OR5AS1: variants seen among roughly 807,000 people sequenced by gnomAD.
OR5AS1 encodes olfactory receptor 5AS1.
For synonymous variants in OR5AS1, 196 were observed against 141.7 expected (o/e 1.38, Z -2.72); for missense variants, 492 against 378.2 (o/e 1.30, Z -2.50).
In OR5AS1 at chr11:56,037,483, C is replaced by A. The variant is rs866764445; in HGVS notation, c.*6090C>A. 1.3e-5 allele frequency: 2 copies of A among 151,602 alleles called. No homozygotes were observed. The highest frequency in any genetic ancestry group is 4.8e-5 in the African/African-American group (2 of 41,252). 9.4% of individuals were successfully genotyped at this position (151,602 alleles called of 1,614,324 possible). A position where few individuals can be genotyped will look rare whatever the true frequency, so the allele number is the denominator to read the frequency against. Reference sequence around the variant, plus strand: ...ATACACCAATAACAGACAAACAGAGCCAAATCGAATGAACTGCCATTCACA... The same window carrying A: ...ATACACCAATAACAGACAAACAGAGACAAATCGAATGAACTGCCATTCACA... On this transcript the variant is annotated 3_prime_UTR_variant, in exon 2 of 2. Coordinates refer to ENST00000641320, the MANE Select transcript of OR5AS1 (RefSeq NM_001001921.2).
chr11:56,030,248 T>C, intron 1 of OR5AS1, 143 bp from the exon 2 acceptor site: 1 of 408,170 alleles, frequency 2.4e-6, no homozygotes, highest in Middle Eastern at 5.7e-4. Flanking sequence ...TTTAATCAAA[T>C]GACAAAATCA....
rs7484132 is a variant in OR5AS1, at chr11:56,036,155, T to C, written c.*4762T>C. The C allele has an allele frequency of 0.06, 9,157 of 151,992 alleles. 381 individuals are homozygous for C. The highest frequency in any genetic ancestry group is 0.084 in the Non-Finnish European group (5,726 of 67,962). The allele number at this position is 151,992 out of a possible 1,614,324, so 9.4% of individuals were successfully genotyped here. On this transcript the variant is annotated 3_prime_UTR_variant, in exon 2 of 2. Transcript: ENST00000641320. ...GCAGTGTTTAGAGGAAAATTCACAG[T>C]ACTAAAGGCCCACAAGAGAAAGCAG...
Position 56,031,553 on chromosome 11 carries a change from C to T in OR5AS1, c.*160C>T, listed in dbSNP as rs980844634. 1.9e-6 allele frequency: 1 copy of T among 531,882 alleles called. No homozygotes were observed. Among genetic ancestry groups the T allele is most frequent in the Non-Finnish European group, 3.3e-6 (1 of 303,240 alleles). 32.9% of individuals were successfully genotyped at this position (531,882 alleles called of 1,614,324 possible). ...CAAAAATGTTCTCTCCACAATTCTA[C>T]TCTATAAAACATTACCTAATTAAAC... is the stretch of plus-strand genomic sequence containing the variant. On this transcript the variant is annotated 3_prime_UTR_variant, in exon 2 of 2. Transcript: ENST00000641320.
rs1853409869 is a variant in OR5AS1, at chr11:56,036,771, G to A, written c.*5378G>A. ...GAGGCTCCTCCCTAACTCATTTTAT[G>A]CGGCCAGCATCATCCTGATATGAAA... is the stretch of plus-strand genomic sequence containing the variant. On this transcript the variant is annotated 3_prime_UTR_variant, in exon 2 of 2. Transcript: ENST00000641320. The A allele has an allele frequency of 1.3e-5, 2 of 152,050 alleles. No individual in the cohort carries two copies. The highest frequency in any genetic ancestry group is 1.3e-4 in the Admixed American group (2 of 15,274). 9.4% of individuals were successfully genotyped at this position (152,050 alleles called of 1,614,324 possible). A position where few individuals can be genotyped will look rare whatever the true frequency, so the allele number is the denominator to read the frequency against.
rs1348510301 is a variant in OR5AS1 at position 56,036,785 on chromosome 11, C to A, written c.*5392C>A. 2.0e-5 allele frequency: 3 copies of A among 152,104 alleles called. No individual in the cohort carries two copies. The highest frequency in any genetic ancestry group is 4.1e-4 in the South Asian group (2 of 4,832). 9.4% of individuals were successfully genotyped at this position (152,104 alleles called of 1,614,324 possible). ...ACTCATTTTATGCGGCCAGCATCAT[C>A]CTGATATGAAAACCTGGCAGAGACA... On this transcript the variant is annotated 3_prime_UTR_variant, in exon 2 of 2. Coordinates refer to ENST00000641320, the MANE Select transcript of OR5AS1 (RefSeq NM_001001921.2).
Position 56,031,234 on chromosome 11 carries a change from G to T in OR5AS1, c.816G>T (p.Lys272Asn), listed in dbSNP as rs144321745. 1 of 1,613,590 alleles carries T rather than the reference G, an allele frequency of 6.2e-7. No homozygotes were observed. Among genetic ancestry groups the T allele is most frequent in the Non-Finnish European group, 8.5e-7 (1 of 1,179,630 alleles). ...PTTSYSLDTDKVVAVFYTVVF... is the reference protein window; with the variant it reads ...PTTSYSLDTDNVVAVFYTVVF... ...CTAGCTATTCCCTAGACACTGATAA[G>T]GTGGTGGCAGTGTTTTATACTGTTG... The change falls in exon 2 of 2, where the codon AAG becomes AAT. Residue 272 changes from lysine (K) to asparagine (N), a missense_variant. Physicochemically the swap from Lys to Asn is moderately conservative, Grantham distance 94. Coordinates refer to ENST00000641320, the MANE Select transcript of OR5AS1 (RefSeq NM_001001921.2).
intron 1 of OR5AS1, among the ~76,000 whole-genome samples, chr11:56,030,065 T>A (rs931985215): frequency 1.1e-4 from 16 of 152,128 alleles, no homozygotes; most frequent in African/African-American, 3.6e-4. Flanking sequence ...TTTTGCCAAC[T>A]CTCATTATTC....
Position 56,033,451 on chromosome 11 carries a change from C to G in OR5AS1, c.*2058C>G, listed in dbSNP as rs548676236. On this transcript the variant is annotated 3_prime_UTR_variant, in exon 2 of 2. Transcript: ENST00000641320. Reference sequence around the variant, plus strand: ...CGAGCTTGGTTGGAGGAGGAGAGTCCGCCATTGCTGAGGCTTCAGTAGGCA... The same window carrying G: ...CGAGCTTGGTTGGAGGAGGAGAGTCGGCCATTGCTGAGGCTTCAGTAGGCA... 6.6e-6 allele frequency: 1 copy of G among 152,262 alleles called. No homozygotes were observed. Among genetic ancestry groups the G allele is most frequent in the Non-Finnish European group, 1.5e-5 (1 of 68,180 alleles). 9.4% of individuals were successfully genotyped at this position (152,262 alleles called of 1,614,324 possible).
rs1565026507 is a variant in OR5AS1, at chr11:56,031,163, A to T, written c.745A>T (p.Thr249Ser). ...STCASHLIAV[T>S]LFYGALLFMY... ...TTGTGCTTCCCACCTCATAGCAGTC[A>T]CCTTATTCTATGGAGCGCTCCTGTT... Residue 249 changes from threonine (T) to serine (S), a missense_variant, in exon 2 of 2, where the codon ACC becomes TCC. Transcript: ENST00000641320. 3.7e-6 allele frequency: 6 copies of T among 1,613,876 alleles called. No individual in the cohort carries two copies. Among genetic ancestry groups the T allele is most frequent in the African/African-American group, 1.3e-5 (1 of 74,824 alleles).
Position 56,031,091 on chromosome 11 carries a change from G to A in OR5AS1, c.673G>A (p.Val225Met), listed in dbSNP as rs1853345475. The A allele has an allele frequency of 6.2e-7, 1 of 1,613,916 alleles. No homozygotes were observed. Among genetic ancestry groups the A allele is most frequent in the Non-Finnish European group, 8.5e-7 (1 of 1,179,964 alleles). ...TTCTTACTTCTGCATCCTCATCACT[G>A]TGTTGAGCATCAAGTCCTCAGGTGG... ...FISYFCILITVLSIKSSGGRS... is the reference protein window; with the variant it reads ...FISYFCILITMLSIKSSGGRS... The change falls in exon 2 of 2, where the codon GTG (valine) becomes ATG (methionine). Residue 225 changes from valine to methionine, a missense_variant. Physicochemically the swap from Val to Met is conservative, Grantham distance 21 (BLOSUM62 1). Transcript: ENST00000641320.
In OR5AS1 at chr11:56,031,843, C is replaced by T. The variant is rs1212322052; in HGVS notation, c.*450C>T. Reference sequence around the variant, plus strand: ...TTGGAACACTAAGCATCCTACTGCTCAAGGTCATCGCCAAGGTCTGATTTC... The same window carrying T: ...TTGGAACACTAAGCATCCTACTGCTTAAGGTCATCGCCAAGGTCTGATTTC... On this transcript the variant is annotated 3_prime_UTR_variant, in exon 2 of 2. Transcript: ENST00000641320. 1 of 153,340 alleles carries T rather than the reference C, an allele frequency of 6.5e-6. No individual in the cohort carries two copies. Among genetic ancestry groups the T allele is most frequent in the East Asian group, 1.9e-4 (1 of 5,206 alleles). The allele number at this position is 153,340 out of a possible 1,614,324, so 9.5% of individuals were successfully genotyped here.
At chr11:56,028,206 A>G (rs1284484746) in intron 1 of OR5AS1, among the ~76,000 whole-genome samples, 2 of 151,920 alleles carry the variant, frequency 1.3e-5, no homozygotes, top group African/African-American at 2.4e-5. Context: ...ATAATATATA[A>G]TAACATACAT....
intron 1 of OR5AS1, among the ~76,000 whole-genome samples, chr11:56,029,193 T>C (rs920054890): frequency 5.3e-5 from 8 of 152,194 alleles, no homozygotes; most frequent in Non-Finnish European, 4.4e-5. Context: ...TTTCCCTTAG[T>C]TACTCACTAC....
In OR5AS1 at chr11:56,034,487, C is replaced by T. The variant is rs1280855154; in HGVS notation, c.*3094C>T. 6.6e-6 allele frequency: 1 copy of T among 151,688 alleles called. No homozygotes were observed. The highest frequency in any genetic ancestry group is 6.6e-5 in the Admixed American group (1 of 15,220). 9.4% of individuals were successfully genotyped at this position (151,688 alleles called of 1,614,324 possible). A position where few individuals can be genotyped will look rare whatever the true frequency, so the allele number is the denominator to read the frequency against. Reference sequence around the variant, plus strand: ...CATACACAAGCATCAATAGCCAAATCGATCAAACAGAAGGAAGGATATCAG... The same window carrying T: ...CATACACAAGCATCAATAGCCAAATTGATCAAACAGAAGGAAGGATATCAG... On this transcript the variant is annotated 3_prime_UTR_variant, in exon 2 of 2. Transcript: ENST00000641320.
intron 1 of OR5AS1, among the ~76,000 whole-genome samples, chr11:56,028,788 A>G (rs1853319812): frequency 6.6e-6 from 1 of 151,954 alleles, no homozygotes; most frequent in South Asian, 2.1e-4. Context: ...TAATATATAA[A>G]CTCATTAAAA....
chr11:56,036,341 G>T lies in OR5AS1; in HGVS notation c.*4948G>T, dbSNP rs1853405307. On this transcript the variant is annotated 3_prime_UTR_variant, in exon 2 of 2. Transcript: ENST00000641320. ...CCCTTCAAAAAATCAATGAATCCAG[G>T]AGTTGGTTTTTGGAAAAGATCAACA... The T allele has an allele frequency of 6.6e-6, 1 of 152,044 alleles. No individual in the cohort carries two copies. Among genetic ancestry groups the T allele is most frequent in the South Asian group, 2.1e-4 (1 of 4,828 alleles). 9.4% of individuals were successfully genotyped at this position (152,044 alleles called of 1,614,324 possible).
At position 56,033,156 on chromosome 11, in the gene OR5AS1, C is replaced by T. The variant is rs1853368993; in HGVS notation, c.*1763C>T. The T allele has an allele frequency of 6.6e-6, 1 of 152,648 alleles. No individual in the cohort carries two copies. Among genetic ancestry groups the T allele is most frequent in the Non-Finnish European group, 1.5e-5 (1 of 68,446 alleles). 9.5% of individuals were successfully genotyped at this position (152,648 alleles called of 1,614,324 possible). A position where few individuals can be genotyped will look rare whatever the true frequency, so the allele number is the denominator to read the frequency against. On this transcript the variant is annotated 3_prime_UTR_variant, in exon 2 of 2. Coordinates refer to ENST00000641320, the MANE Select transcript of OR5AS1 (RefSeq NM_001001921.2). ...CGGACCAGGAGATTCCCTTGGGTGC[C>T]TACATCACCAGCTCCCTGGGATTGA...
chr11:56,036,268 A>G lies in OR5AS1; in HGVS notation c.*4875A>G, dbSNP rs934520215. On this transcript the variant is annotated 3_prime_UTR_variant, in exon 2 of 2. Transcript: ENST00000641320. ...AAATTCAAAAGCCTCAGAAGACAAGAAATAACTAAGATCAGAGCAGAACTG... is the reference window on the plus strand; with the variant it reads ...AAATTCAAAAGCCTCAGAAGACAAGGAATAACTAAGATCAGAGCAGAACTG... The G allele has an allele frequency of 2.0e-5, 3 of 152,084 alleles. No individual in the cohort carries two copies. Among genetic ancestry groups the G allele is most frequent in the African/African-American group, 7.3e-5 (3 of 41,376 alleles). The allele number at this position is 152,084 out of a possible 1,614,324, so 9.4% of individuals were successfully genotyped here. A position where few individuals can be genotyped will look rare whatever the true frequency, so the allele number is the denominator to read the frequency against.
intron 1 of OR5AS1, among the ~76,000 whole-genome samples, chr11:56,029,497 G>T (rs1260141176): frequency 1.3e-5 from 2 of 150,702 alleles, no homozygotes; most frequent in Admixed American, 6.7e-5. Flanking sequence ...ATGAGTAAAA[G>T]ATTTAGTATG....
Sources: allele counts gnomAD v4.1 joint callset (sites outside exome capture counted in the v4.1 genomes callset), GRCh38; gene constraint gnomAD v4.1.1; transcripts MANE v1.5; gene names NCBI Gene and HGNC (gene_info 2026-07-23, HGNC 2026-07-21).